Variants in KCTD14 observed in about 807,000 individuals in gnomAD.
KCTD14 encodes the protein potassium channel tetramerization domain containing 14, also known as BTB/POZ domain-containing protein KCTD14.
Under a neutral mutation model 5.9 loss-of-function variants are expected in KCTD14, and 7 were observed. The ratio of observed to expected loss-of-function variants is 1.19; its 90% confidence interval spans 0.68 to 2.23. KCTD14 has a LOEUF of 2.23. KCTD14 is among the 30% of genes most tolerant of loss of function. The pLI is 0.00. For missense variants in KCTD14, 342 were observed against 332.2 expected (o/e 1.03, Z -0.23); for synonymous variants, 140 against 133.1 (o/e 1.05, Z -0.36).
Position 78,016,777 on chromosome 11 carries a change from A to T in KCTD14, c.584T>A (p.Phe195Tyr). The T allele has an allele frequency of 6.2e-7, 1 of 1,614,088 alleles. No individual in the cohort carries two copies. Among genetic ancestry groups the T allele is most frequent in the East Asian group, 2.2e-5 (1 of 44,884 alleles). ...VLCFLQDKKM[F>Y]KSVVKFGPWK... is the part of the protein sequence containing the mutation. ...GGGCCCAAACTTGACAACAGACTTG[A>T]ACATCTTCTTATCCTGCAGAAAACA... is the stretch of plus-strand genomic sequence containing the variant. Residue 195 changes from phenylalanine (F) to tyrosine (Y), a missense_variant, in exon 2 of 2, where the codon TTC (phenylalanine) becomes TAC (tyrosine). Transcript: ENST00000353172.
At position 78,016,871 on chromosome 11, in the gene KCTD14, G is replaced by A. The variant is rs202108761; in HGVS notation, c.490C>T (p.Arg164Trp). Reference sequence around the variant, plus strand: ...AGGCACACAAGCACGCTGGACTTCCGTGCTGTTATGGCTTCTGCACGTGCC... The same window carrying A: ...AGGCACACAAGCACGCTGGACTTCCATGCTGTTATGGCTTCTGCACGTGCC... ...RLARAEAITARKSSVLVCLVE... is the reference protein window; with the variant it reads ...RLARAEAITAWKSSVLVCLVE... Residue 164 changes from arginine (R) to tryptophan (W), a missense_variant, in exon 2 of 2, where the codon CGG (arginine) becomes TGG (tryptophan). Arg to Trp is a moderately radical substitution (Grantham distance 101). Coordinates refer to ENST00000353172, the MANE Select transcript of KCTD14 (RefSeq NM_023930.4). 211 of 1,614,200 alleles carry A rather than the reference G, an allele frequency of 1.3e-4. 1 individual carries two copies. The highest frequency in any genetic ancestry group is 2.2e-5 in the South Asian group (2 of 91,088).
intron 1 of KCTD14, among the ~76,000 whole-genome samples, chr11:78,019,252 G>C (rs568926798): frequency 6.6e-6 from 1 of 152,014 alleles, no homozygotes; most frequent in African/African-American, 2.4e-5. Flanking sequence ...GACCTCAAGT[G>C]ATCTGCCCAC....
Position 78,016,690 on chromosome 11 carries a change from T to C in KCTD14, c.671A>G (p.Gln224Arg), listed in dbSNP as rs779444111. Residue 224 changes from glutamine to arginine, a missense_variant, in exon 2 of 2, where the codon CAG becomes CGG. Gln to Arg is a conservative substitution (Grantham distance 43). Coordinates refer to ENST00000353172, the MANE Select transcript of KCTD14 (RefSeq NM_023930.4). The part of the protein sequence containing the change: ...MHCLEMDIKA[Q>R]GYKVFSKFYL... ...GAACTTGGAGAATACCTTGTACCCC[T>C]GGGCCTTAATGTCCATCTCCAGGCA... is the stretch of plus-strand genomic sequence containing the variant. 5.0e-6 allele frequency: 8 copies of C among 1,614,202 alleles called. No individual in the cohort carries two copies. The highest frequency in any genetic ancestry group is 6.8e-6 in the Non-Finnish European group (8 of 1,180,000).
At chr11:78,044,945 G>A (rs1407734470) in intron 1 of KCTD14, among the ~76,000 whole-genome samples, 1 of 152,162 alleles carries the variant, frequency 6.6e-6, no homozygotes, top group African/African-American at 2.4e-5. Context: ...CCAGCACTTG[G>A]GAGGGGCCCG....
chr11:78,019,362 G>A (rs1857255057), intron 1 of KCTD14, among the ~76,000 whole-genome samples: 1 of 152,004 alleles, frequency 6.6e-6, no homozygotes, highest in Admixed American at 6.6e-5. Flanking sequence ...TTGTTGCCCA[G>A]ACTGGGTGTG....
chr11:78,031,474 G>T lies in KCTD14; in HGVS notation c.-1+7190C>A, dbSNP rs1418803157. ...GCTCACTGCAACCTCCGCCTCCAGA[G>T]TTCAAGCAATTCTCCTGCCTCAGCC... On this transcript the variant is annotated intron_variant, in intron 2 of 2. Transcript: ENST00000533144. Among the ~76,000 whole-genome samples the T allele has an allele frequency of 5.9e-5, 9 of 151,900 alleles. No homozygotes were observed. The East Asian group carries it at 1.7e-3, about 29-fold the overall frequency.
At position 78,016,424 on chromosome 11, in the gene KCTD14, T is replaced by A. The variant is rs1050278340; in HGVS notation, c.*169A>T. On this transcript the variant is annotated 3_prime_UTR_variant, in exon 2 of 2. Transcript: ENST00000353172. ...GCTAGGCAAATATAGTGGCATCAGT[T>A]GCAATGGAGTGGAAAGTCCTTAAAC... 1 of 618,746 alleles carries A rather than the reference T, an allele frequency of 1.6e-6. No homozygotes were observed. Among genetic ancestry groups the A allele is most frequent in the African/African-American group, 1.8e-5 (1 of 54,268 alleles). 38.3% of individuals were successfully genotyped at this position (618,746 alleles called of 1,614,324 possible).
intron 1 of KCTD14, among the ~76,000 whole-genome samples, chr11:78,042,046 C>G (rs1026884407): frequency 1.3e-5 from 2 of 152,138 alleles, no homozygotes; most frequent in Non-Finnish European, 2.9e-5. Context: ...ATCTTGGGAG[C>G]TCTGTGAGCA....
chr11:78,036,692 A>G (rs552129935), intron 2 of KCTD14, among the ~76,000 whole-genome samples: 20 of 152,254 alleles, frequency 1.3e-4, no homozygotes, highest in African/African-American at 4.8e-4. Context: ...GGCTGTCATC[A>G]ATGATTCTTT....
In KCTD14 at chr11:78,016,543, T is replaced by C; in HGVS notation, c.*50A>G. 1 of 1,514,580 alleles carries C rather than the reference T, an allele frequency of 6.6e-7. No homozygotes were observed. The highest frequency in any genetic ancestry group is 9.0e-7 in the Non-Finnish European group (1 of 1,115,112). 93.8% of individuals were successfully genotyped at this position (1,514,580 alleles called of 1,614,324 possible). On this transcript the variant is annotated 3_prime_UTR_variant, in exon 2 of 2. Transcript: ENST00000353172. The stretch of plus-strand genomic sequence containing the variant: ...AAGAAAATGGCTTTGATGGCAACTT[T>C]TAATTTCATAAGCCACGCCAGAATT...
chr11:78,030,686 C>G (rs867238188), intron 2 of KCTD14, among the ~76,000 whole-genome samples: 29 of 152,292 alleles, frequency 1.9e-4, no homozygotes, highest in Admixed American at 1.3e-4. Context: ...GGCGGCTGGG[C>G]TTTAGGCCAG....
chr11:78,022,236 G>A (rs992487141), intron 1 of KCTD14, among the ~76,000 whole-genome samples: 3 of 152,020 alleles, frequency 2.0e-5, no homozygotes, highest in African/African-American at 2.4e-5. Context: ...CCAACATGGC[G>A]AGACCCCATC....
chr11:78,039,046 G>A (rs917476661), intron 1 of KCTD14, among the ~76,000 whole-genome samples: 6 of 141,604 alleles, frequency 4.2e-5, no homozygotes, highest in Non-Finnish European at 9.1e-5. Context: ...GAGGGAAGGA[G>A]TAGAGTCTGG....
upstream of KCTD14, among the ~76,000 whole-genome samples, chr11:78,027,093 C>T (rs148376499): frequency 5.3e-4 from 81 of 151,508 alleles, no homozygotes; most frequent in African/African-American, 1.9e-3. Flanking sequence ...AGCGAGAATC[C>T]GTCTCAAAAA....
intron 2 of KCTD14, among the ~76,000 whole-genome samples, chr11:78,038,081 C>T (rs924957550): frequency 6.6e-6 from 1 of 151,982 alleles, no homozygotes; most frequent in African/African-American, 2.4e-5. Context: ...GCCCCCCACA[C>T]CATCCTTTCT....
chr11:78,029,787 CTT>C (rs1264522822), intron 2 of KCTD14, among the ~76,000 whole-genome samples: 1 of 137,494 alleles, frequency 7.3e-6, no homozygotes. Context: ...TTTTTTTTTT[CTT>C]TTTTTTTTTT....
chr11:78,038,795 T>C lies in KCTD14; in HGVS notation c.-95-37A>G, dbSNP rs547829253. The C allele has an allele frequency of 3.6e-5, 56 of 1,535,212 alleles. No homozygotes were observed. In the Admixed American group the frequency reaches 8.4e-4, roughly 23 times the overall value. ...AGAGAATTTCTTAGAAGACTATCAG[T>C]GTTCACAAAGGACGAGGACCAGGAG... On this transcript the variant is annotated intron_variant, in intron 1 of 2. Coordinates refer to the KCTD14 transcript ENST00000533144.
chr11:78,018,834 CA>C, intron 1 of KCTD14, among the ~76,000 whole-genome samples: 1 of 152,042 alleles, frequency 6.6e-6, no homozygotes, highest in Non-Finnish European at 1.5e-5. Context: ...GTAGGAGGGA[CA>C]ATTCCAACAT....
Position 78,017,038 on chromosome 11 carries a change from C to A in KCTD14, c.323G>T (p.Arg108Leu). ...VPTQHIPEVY[R>L]EAQFYEIKPL... ...CTTGATTTCGTAGAACTGAGCCTCA[C>A]GGTACACTTCAGGGATGTGCTGTGT... The change falls in exon 2 of 2, where the codon CGT becomes CTT. Residue 108 changes from arginine (R) to leucine (L), a missense_variant. Coordinates refer to ENST00000353172, the MANE Select transcript of KCTD14 (RefSeq NM_023930.4). The A allele has an allele frequency of 6.2e-7, 1 of 1,614,228 alleles. No individual in the cohort carries two copies. Among genetic ancestry groups the A allele is most frequent in the Non-Finnish European group, 8.5e-7 (1 of 1,180,046 alleles).
Sources: allele counts gnomAD v4.1 joint callset (sites outside exome capture counted in the v4.1 genomes callset), GRCh38; gene constraint gnomAD v4.1.1; transcripts MANE v1.5; gene names NCBI Gene and HGNC (gene_info 2026-07-23, HGNC 2026-07-21).